Variants in PRKD2 observed in about 807,000 individuals in gnomAD.
PRKD2 encodes the protein serine/threonine-protein kinase D2.
A neutral mutation model predicts 86.0 loss-of-function variants in PRKD2; 22 were observed. That is an observed-to-expected ratio of 0.26 (90% CI 0.18 to 0.37). The LOEUF (loss-of-function observed/expected upper bound fraction) is 0.37. PRKD2 is among the 10% of genes least tolerant of loss of function. The pLI is 1.00. For synonymous variants in PRKD2, 509 were observed against 510.9 expected (o/e 1.00, Z 0.05); for missense variants, 818 against 1,199.2 (o/e 0.68, Z 4.70).
At chr19:46,675,936 AT>A (rs1276444867) in intron 16 of PRKD2, among the ~76,000 whole-genome samples, 2 of 150,366 alleles carry the variant, frequency 1.3e-5, no homozygotes, top group Non-Finnish European at 3.0e-5. Context: ...TGGCCGGCTA[AT>A]TTTTGTATTT....
chr19:46,702,384 T>C (rs552819794), intron 5 of PRKD2, among the ~76,000 whole-genome samples: 1 of 152,272 alleles, frequency 6.6e-6, no homozygotes, highest in Non-Finnish European at 1.5e-5. Flanking sequence ...TCCAAGTTTC[T>C]AGAACTCTAG....
chr19:46,703,993 A>ACACACACACACACACACACACACACACAC (rs1568732338), intron 5 of PRKD2, among the ~76,000 whole-genome samples, 176 bp downstream of exon 5: 4 of 149,422 alleles, frequency 2.7e-5, no homozygotes, highest in Non-Finnish European at 6.0e-5. Flanking sequence ...ACACACACAC[A>ACACACACACACACACACACACACACACAC]ACTGAGGTTC....
Position 46,716,355 on chromosome 19 carries a change from A to G in PRKD2, c.16T>C (p.Ser6Pro). 2 of 1,256,122 alleles carry G rather than the reference A, an allele frequency of 1.6e-6. No homozygotes were observed. The highest frequency in any genetic ancestry group is 2.0e-6 in the Non-Finnish European group (2 of 984,088). The allele number at this position is 1,256,122 out of a possible 1,614,324, so 77.8% of individuals were successfully genotyped here. A position where few individuals can be genotyped will look rare whatever the true frequency, so the allele number is the denominator to read the frequency against. Residue 6 changes from serine to proline, a missense_variant, in exon 1 of 18, where the codon TCT becomes CCT. This residue lies in a region of PRKD2 where 403 missense variants were observed against 518.6 expected (regional missense o/e 0.78). Transcript: ENST00000291281. This position sits in a 1 kb window ranked among gnomAD's most constrained non-coding sequence, Gnocchi z 7.9. MATAPSYPAGLPGSPG... is the reference protein window; with the variant it reads MATAPPYPAGLPGSPG... ...GAGCCAGGGAGCCCGGCGGGATAAG[A>G]GGGGGCGGTGGCCATGGGGGGAGGC... is the stretch of plus-strand genomic sequence containing the variant.
chr19:46,708,988 T>TG (rs2053761872), intron 3 of PRKD2, among the ~76,000 whole-genome samples: 1 of 149,986 alleles, frequency 6.7e-6, no homozygotes, highest in African/African-American at 2.5e-5. Flanking sequence ...TTTTTTTTTT[T>TG]TTTTTTTGAG....
chr19:46,705,862 CTTATT>C (rs897441823), intron 3 of PRKD2, among the ~76,000 whole-genome samples: 5 of 151,854 alleles, frequency 3.3e-5, no homozygotes, highest in African/African-American at 4.8e-5. Context: ...TTCTTATTGT[CTTATT>C]TTATTTTGTA....
Position 46,691,958 on chromosome 19 carries a change from G to C in PRKD2, c.1604C>G (p.Ser535Cys). 2 of 1,614,054 alleles carry C rather than the reference G, an allele frequency of 1.2e-6. No homozygotes were observed. Among genetic ancestry groups the C allele is most frequent in the Non-Finnish European group, 1.7e-6 (2 of 1,179,980 alleles). The change falls in exon 11 of 18, where the codon TCC becomes TGC. Residue 535 changes from serine (S) to cysteine (C), a missense_variant. Coordinates refer to ENST00000291281, the MANE Select transcript of PRKD2 (RefSeq NM_016457.5). ...CACATTCTCTTGGATCTGACTGTTG[G>C]ACACAGAGATGCTCAGAGAAGCTTG... is the stretch of plus-strand genomic sequence containing the variant. ...HRQASLSISVSNSQIQENVDI... is the reference protein window; with the variant it reads ...HRQASLSISVCNSQIQENVDI...
chr19:46,675,111 G>A lies in PRKD2; in HGVS notation c.2346C>T (p.Asp782=), dbSNP rs1482366933. The A allele has an allele frequency of 1.9e-6, 3 of 1,609,622 alleles. No individual in the cohort carries two copies. The highest frequency in any genetic ancestry group is 2.2e-5 in the East Asian group (1 of 44,860). ...PWSHISAGAI[D]LINNLLQVKM... ...TCACCTGCAGCAGGTTGTTGATGAG[G>A]TCAATGGCTGCACAGGAAAGAGAAA... The change falls in exon 17 of 18, where the codon GAC becomes GAT. Residue 782 remains aspartate (D), a synonymous_variant. Transcript: ENST00000291281.
intron 14 of PRKD2, among the ~76,000 whole-genome samples, chr19:46,684,344 T>C (rs1195564763): frequency 2.6e-5 from 4 of 152,124 alleles, no homozygotes; most frequent in Admixed American, 2.0e-4. Flanking sequence ...TTTTTTGAGA[T>C]GGAGTCTCAC....
chr19:46,700,151 G>A (rs995507584), intron 7 of PRKD2, among the ~76,000 whole-genome samples: 3 of 151,878 alleles, frequency 2.0e-5, no homozygotes, highest in African/African-American at 4.8e-5. Flanking sequence ...CAGGAGAATC[G>A]CTTGAACCCA....
chr19:46,702,525 T>G (rs1377217222), intron 5 of PRKD2, among the ~76,000 whole-genome samples: 1 of 152,160 alleles, frequency 6.6e-6, no homozygotes, highest in African/African-American at 2.4e-5. Context: ...AATCTGCAGA[T>G]TCCAAGGTTC....
rs2053508312 is a variant in PRKD2 at position 46,693,290 on chromosome 19, C to A, written c.1576+585G>T. Among the ~76,000 whole-genome samples the A allele has an allele frequency of 6.6e-6, 1 of 152,234 alleles. No individual in the cohort carries two copies. The highest frequency in any genetic ancestry group is 2.1e-4 in the South Asian group (1 of 4,834). On this transcript the variant is annotated intron_variant, in intron 10 of 17. Transcript: ENST00000291281. The surrounding 1 kb of genome is among the most constrained non-coding windows in gnomAD (Gnocchi z 4.5). ...AGGTCTTGGGCTGTCCTGGCCACCA[C>A]TGGGTCCCCAGCACTGTCCCGCACA...
intron 5 of PRKD2, among the ~76,000 whole-genome samples, chr19:46,703,352 C>T (rs969492376): frequency 2.0e-5 from 3 of 152,048 alleles, no homozygotes; most frequent in Non-Finnish European, 2.9e-5. Context: ...TTCAGCTGGG[C>T]GCGGTGGCTC....
intron 14 of PRKD2, chr19:46,688,988 C>T (rs2053443296): frequency 1.3e-5 from 2 of 152,296 alleles, no homozygotes; most frequent in Non-Finnish European, 1.5e-5. Context: ...CTGATCAGCA[C>T]AGAACTCCTG....
intron 16 of PRKD2, among the ~76,000 whole-genome samples, chr19:46,675,406 C>T (rs1020874050): frequency 6.6e-6 from 1 of 152,136 alleles, no homozygotes; most frequent in African/African-American, 2.4e-5. Flanking sequence ...TTGTCATATA[C>T]AGGTACATAC....
intron 15 of PRKD2, among the ~76,000 whole-genome samples, chr19:46,679,905 A>G (rs1361811042): frequency 6.6e-6 from 1 of 152,112 alleles, no homozygotes; most frequent in Non-Finnish European, 1.5e-5. Flanking sequence ...GATTACAGGC[A>G]TGAGACACCA....
chr19:46,692,014 G>T (rs773121160), intron 10 of PRKD2, 29 bp from the exon 11 acceptor site: 1 of 1,604,676 alleles, frequency 6.2e-7, no homozygotes, highest in Non-Finnish European at 8.5e-7. Flanking sequence ...CAGAGGTGAG[G>T]GGACTCCAGG....
At chr19:46,690,542 C>G in intron 13 of PRKD2, 58 bp downstream of exon 13, 1 of 1,538,230 alleles carries the variant, frequency 6.5e-7, no homozygotes, top group Non-Finnish European at 9.0e-7. Context: ...CACCCCTACA[C>G]TGGGTCAGCT....
chr19:46,695,256 G>T (rs1204545556), intron 9 of PRKD2, among the ~76,000 whole-genome samples: 1 of 152,176 alleles, frequency 6.6e-6, no homozygotes, highest in Non-Finnish European at 1.5e-5. Flanking sequence ...GGAGGCCAAG[G>T]CAGGCGGATC....
intron 8 of PRKD2, 53 bp downstream of exon 8, chr19:46,697,680 G>C: frequency 6.6e-7 from 1 of 1,520,420 alleles, no homozygotes; most frequent in East Asian, 2.3e-5. Context: ...AAGCTGAGCC[G>C]CCCCTCTTCC....
Sources: allele counts gnomAD v4.1 joint callset (sites outside exome capture counted in the v4.1 genomes callset), GRCh38; gene constraint gnomAD v4.1.1; regional missense constraint gnomAD v4.1.1; non-coding constraint Gnocchi (gnomAD v3.1); transcripts MANE v1.5; gene names NCBI Gene and HGNC (gene_info 2026-07-23, HGNC 2026-07-21).